KATNB1: variants seen among roughly 807,000 people sequenced by gnomAD.
KATNB1 encodes the protein katanin regulatory subunit B1.
In KATNB1, 38 loss-of-function variants were observed where a neutral mutation model predicts 82.3. That is an observed-to-expected ratio of 0.46 (90% CI 0.36 to 0.61). KATNB1 has a LOEUF of 0.61. Among genes scored for constraint, KATNB1 ranks in the 20% least tolerant of loss-of-function variants. The probability of loss-of-function intolerance (pLI) is 0.00; values close to 1 mark genes in which losing one functional copy is unlikely to be tolerated. For synonymous variants in KATNB1, 361 were observed against 368.7 expected, an observed-to-expected ratio of 0.98 and a Z score of 0.24; for missense variants, 749 against 915.7, an observed-to-expected ratio of 0.82 and a Z score of 2.35.
chr16:57,750,988 C>T (rs569767230), intron 5 of KATNB1, 61 bp downstream of exon 5: 78 of 1,385,476 alleles, frequency 5.6e-5, no homozygotes, highest in African/African-American at 4.5e-4. Flanking sequence ...CAGCCCGGCC[C>T]GGCCCTCAGT....
intron 4 of KATNB1, among the ~76,000 whole-genome samples, chr16:57,749,771 A>G (rs1327260261): frequency 6.6e-6 from 1 of 152,172 alleles, no homozygotes; most frequent in East Asian, 1.9e-4. Context: ...ACCTTCAAGG[A>G]AAGGATAGGA....
At chr16:57,756,497 G>A (rs1487422411) in intron 19 of KATNB1, 25 bp downstream of exon 19, 28 of 1,580,384 alleles carry the variant, frequency 1.8e-5, no homozygotes, top group Non-Finnish European at 2.2e-5. Flanking sequence ...TGTGTTGGGG[G>A]CAGGGGTGCC....
intron 3 of KATNB1, among the ~76,000 whole-genome samples, chr16:57,742,148 G>A (rs1555579883): frequency 6.6e-6 from 1 of 152,222 alleles, no homozygotes; most frequent in African/African-American, 2.4e-5. Flanking sequence ...CTGTGGTTGA[G>A]CCAAAAGACT....
At chr16:57,738,960 G>A (rs1225773840) in intron 2 of KATNB1, among the ~76,000 whole-genome samples, 1 of 152,030 alleles carries the variant, frequency 6.6e-6, no homozygotes, top group Non-Finnish European at 1.5e-5. Flanking sequence ...TTAGCTGGGG[G>A]GTAGGGGTAG....
intron 12 of KATNB1, 117 bp from the exon 13 acceptor site, chr16:57,753,828 C>T (rs1597830480): frequency 6.3e-6 from 6 of 947,920 alleles, no homozygotes; most frequent in South Asian, 6.3e-5. Flanking sequence ...GCAGGGTCCA[C>T]AGTCTGCAGC....
intron 2 of KATNB1, 45 bp from the exon 3 acceptor site, chr16:57,741,642 C>T (rs1465923764): frequency 6.3e-7 from 1 of 1,578,398 alleles, no homozygotes; most frequent in African/African-American, 1.3e-5. Context: ...TCACAAGGCC[C>T]CATCGGGCCG....
intron 4 of KATNB1, among the ~76,000 whole-genome samples, chr16:57,745,115 A>C (rs1236974180): frequency 6.6e-6 from 1 of 152,218 alleles, no homozygotes; most frequent in African/African-American, 2.4e-5. Flanking sequence ...ACTCCTTCCC[A>C]TTCTCCATGA....
rs556989554 is a variant in KATNB1, at chr16:57,756,890, G to A, written c.1912G>A (p.Gly638Ser). ...GLVKSKSGLS[G>S]RHGSTFRELH... ...GGTCAAGAGCAAGTCAGGCCTGAGC[G>A]GCCGCCATGGCAGTACCTTCCGCGA... Residue 638 changes from glycine to serine, a missense_variant, in exon 20 of 20, where the codon GGC (glycine) becomes AGC (serine). Physicochemically the swap from Gly to Ser is moderately conservative, Grantham distance 56. This residue lies in a region of KATNB1 where 95 missense variants were observed against 131.6 expected (regional missense o/e 0.72). Transcript: ENST00000379661. 1.4e-5 allele frequency: 21 copies of A among 1,553,974 alleles called. No homozygotes were observed. The highest frequency in any genetic ancestry group is 1.1e-4 in the South Asian group (9 of 84,352).
At chr16:57,743,938 C>T (rs895689749) in intron 3 of KATNB1, among the ~76,000 whole-genome samples, 7 of 152,332 alleles carry the variant, frequency 4.6e-5, no homozygotes, top group South Asian at 2.1e-4. Context: ...TCTAGAGGGG[C>T]GAGATGTGTG....
intron 11 of KATNB1, 49 bp downstream of exon 11, chr16:57,753,316 G>C: frequency 1.9e-6 from 3 of 1,578,056 alleles, no homozygotes; most frequent in Non-Finnish European, 2.6e-6. Context: ...ACTGTCACAG[G>C]GGAAGCCTCG....
At chr16:57,756,176 G>A in intron 18 of KATNB1, 110 bp downstream of exon 18, 2 of 1,327,376 alleles carry the variant, frequency 1.5e-6, no homozygotes, top group Non-Finnish European at 2.1e-6. Flanking sequence ...CCTGTGAGCT[G>A]GCTGTGAAGC....
chr16:57,753,293 G>C, intron 11 of KATNB1, 26 bp downstream of exon 11: 2 of 1,582,240 alleles, frequency 1.3e-6, no homozygotes, highest in Non-Finnish European at 1.7e-6. Flanking sequence ...GCCTTCGGGG[G>C]CCCAGGAGAG....
chr16:57,736,697 C>T (rs1278160051), intron 1 of KATNB1: 1 of 267,672 alleles, frequency 3.7e-6, no homozygotes, highest in African/African-American at 2.2e-5. Context: ...GTGGTCTTCT[C>T]CGCCCCACTG....
Position 57,751,517 on chromosome 16 carries a change from C to A in KATNB1, c.433-124C>A. On this transcript the variant is annotated intron_variant, in intron 6 of 19. Coordinates refer to ENST00000379661, the MANE Select transcript of KATNB1 (RefSeq NM_005886.3). This position sits in a 1 kb window ranked among gnomAD's most constrained non-coding sequence, Gnocchi z 6.3. ...CTAGAGCCACGTTCATCAAACTGCT[C>A]CAAGCAGAACCAGGCGGGTAACCAG... 9.5e-7 allele frequency: 1 copy of A among 1,048,250 alleles called. No homozygotes were observed. Among genetic ancestry groups the A allele is most frequent in the South Asian group, 1.3e-5 (1 of 76,586 alleles). The allele number at this position is 1,048,250 out of a possible 1,614,324, so 64.9% of individuals were successfully genotyped here.
At chr16:57,743,865 C>T (rs1259909002) in intron 3 of KATNB1, among the ~76,000 whole-genome samples, 1 of 152,246 alleles carries the variant, frequency 6.6e-6, no homozygotes, top group African/African-American at 2.4e-5. Context: ...GTCTTCCACC[C>T]TCCTCCAACC....
In KATNB1 at chr16:57,753,449, G is replaced by T. The variant is rs1252553800; in HGVS notation, c.1107G>T (p.Glu369Asp). The change falls in exon 12 of 20, where the codon GAG (glutamate) becomes GAT (aspartate). Residue 369 changes from glutamate (E) to aspartate (D), a missense_variant. This residue lies in a region of KATNB1 where 407 missense variants were observed against 434.7 expected (regional missense o/e 0.94). Transcript: ENST00000379661. ...CCAGCAGCGAGGATGACCGGGACGAGCGCGAGTCCCGCGCGGAGATCCAGA... is the reference window on the plus strand; with the variant it reads ...CCAGCAGCGAGGATGACCGGGACGATCGCGAGTCCCGCGCGGAGATCCAGA... ...RSPSSEDDRD[E>D]RESRAEIQNA... 1.9e-6 allele frequency: 3 copies of T among 1,612,960 alleles called. No homozygotes were observed. Among genetic ancestry groups the T allele is most frequent in the Non-Finnish European group, 2.5e-6 (3 of 1,179,904 alleles).
At chr16:57,738,067 C>T (rs1439360768) in intron 2 of KATNB1, among the ~76,000 whole-genome samples, 1 of 152,116 alleles carries the variant, frequency 6.6e-6, no homozygotes, top group African/African-American at 2.4e-5. Flanking sequence ...TCTTCTCAGA[C>T]CCCCCGAAAG....
In KATNB1 at chr16:57,745,988, G is replaced by A. The variant is rs117468331; in HGVS notation, c.289+1477G>A. 6.6e-5 allele frequency among the ~76,000 whole-genome samples: 10 copies of A among 152,146 alleles called. No individual in the cohort carries two copies. In the East Asian group the frequency reaches 1.4e-3, roughly 21 times the overall value. On this transcript the variant is annotated intron_variant, in intron 4 of 19. Coordinates refer to ENST00000379661, the MANE Select transcript of KATNB1 (RefSeq NM_005886.3). The stretch of plus-strand genomic sequence containing the variant: ...TCCTGGGCCTCTGTGTCTCTTCTCT[G>A]GGGAATTCTCTCCATCTGTTGTTCC...
At position 57,755,170 on chromosome 16, in the gene KATNB1, G is replaced by A. The variant is rs782133815; in HGVS notation, c.1348G>A (p.Ala450Thr). 6.2e-7 allele frequency: 1 copy of A among 1,612,268 alleles called. No individual in the cohort carries two copies. The highest frequency in any genetic ancestry group is 8.5e-7 in the Non-Finnish European group (1 of 1,179,894). ...PVVASTPAPK[A>T]EPAIIPATRN... is the part of the protein sequence containing the mutation. ...GGTTGCTTCCACACCTGCACCCAAG[G>A]CTGAGCCTGCCATCATCCCTGCCAC... is the stretch of plus-strand genomic sequence containing the variant. The change falls in exon 15 of 20, where the codon GCT becomes ACT. Residue 450 changes from alanine to threonine, a missense_variant. This residue lies in a region of KATNB1 where 407 missense variants were observed against 434.7 expected (regional missense o/e 0.94). Transcript: ENST00000379661.
Sources: allele counts gnomAD v4.1 joint callset (sites outside exome capture counted in the v4.1 genomes callset), GRCh38; gene constraint gnomAD v4.1.1; regional missense constraint gnomAD v4.1.1; non-coding constraint Gnocchi (gnomAD v3.1); transcripts MANE v1.5; gene names NCBI Gene and HGNC (gene_info 2026-07-23, HGNC 2026-07-21).